Variants in DLG3 observed in about 807,000 individuals in gnomAD.
DLG3 encodes disks large homolog 3.
A neutral mutation model predicts 64.1 loss-of-function variants in DLG3; 1 was observed. That is an observed-to-expected ratio of 0.02 (90% CI 0.01 to 0.07). The LOEUF is 0.07. Among genes scored for constraint, DLG3 ranks in the 10% least tolerant of loss-of-function variants. The pLI is 1.00. For missense variants in DLG3, 429 were observed against 669.5 expected, an observed-to-expected ratio of 0.64 and a Z score of 3.96; for synonymous variants, 245 against 259.8, an observed-to-expected ratio of 0.94 and a Z score of 0.55.
intron 9 of DLG3, among the ~76,000 whole-genome samples, chrX:70,459,457 A>T (rs1286776269): frequency 8.9e-6 from 1 of 112,539 alleles, no homozygotes; most frequent in Non-Finnish European, 1.9e-5. Context: ...TGTAACTGCT[A>T]TCCTATCAGC....
chrX:70,450,442 G>A lies in DLG3; in HGVS notation c.840+137G>A, dbSNP rs2086606235. The A allele has an allele frequency of 3.5e-5, 34 of 968,317 alleles. 1 individual carries two copies. The South Asian group carries it at 7.9e-4, about 23-fold the overall frequency. 79.8% of individuals were successfully genotyped at this position (968,317 alleles called of 1,213,427 possible). ...AAGAGTTATCATCTGTGTTGTGTTT[G>A]CCCAGATACAAAGGCCCTAATTCTT... On this transcript the variant is annotated intron_variant, in intron 5 of 18. Transcript: ENST00000374360.
intron 12 of DLG3, chrX:70,493,274 C>T: frequency 1.5e-6 from 1 of 663,157 alleles, no homozygotes; most frequent in Non-Finnish European, 2.4e-6. Context: ...TTATTTAGCT[C>T]ACCGTTGTCT....
chrX:70,463,556 A>C (rs1384277686), intron 9 of DLG3, among the ~76,000 whole-genome samples: 2 of 111,789 alleles, frequency 1.8e-5, no homozygotes, highest in African/African-American at 6.5e-5. Flanking sequence ...CCTTTGTTTA[A>C]AGCTTTAGTC....
intron 1 of DLG3, among the ~76,000 whole-genome samples, chrX:70,448,344 A>T (rs2086586856): frequency 1.8e-5 from 2 of 112,315 alleles, no homozygotes; most frequent in Non-Finnish European, 3.8e-5. Context: ...GCCCTTAGGC[A>T]CATCCCATGT....
At chrX:70,459,360 A>G (rs1407025680) in intron 9 of DLG3, among the ~76,000 whole-genome samples, 1 of 112,622 alleles carries the variant, frequency 8.9e-6, no homozygotes. Context: ...AGTGGTGTTA[A>G]TAACTTGAAA....
chrX:70,472,448 C>T (rs890028569), intron 9 of DLG3, among the ~76,000 whole-genome samples: 3 of 111,096 alleles, frequency 2.7e-5, no homozygotes, highest in African/African-American at 6.5e-5. Flanking sequence ...CCAGCTACTC[C>T]GGATGCTGAG....
chrX:70,449,694 A>C lies in DLG3; in HGVS notation c.538A>C (p.Asn180His). 1 of 1,210,504 alleles carries C rather than the reference A, an allele frequency of 8.3e-7. No individual in the cohort carries two copies. The highest frequency in any genetic ancestry group is 1.1e-6 in the Non-Finnish European group (1 of 895,291). ...AAAMDGRLGV[N>H]DCVLRVNEVD... ...CCTCTCGGGCTTCCCCCACAGGGTGAATGACTGTGTGCTGCGGGTGAATGA... is the reference window on the plus strand; with the variant it reads ...CCTCTCGGGCTTCCCCCACAGGGTGCATGACTGTGTGCTGCGGGTGAATGA... Residue 180 changes from asparagine to histidine, a missense_variant, in exon 4 of 19, where the codon AAT becomes CAT. By Grantham distance (68) the Asn-to-His change is moderately conservative. This residue lies in a region of DLG3 where 73 missense variants were observed against 158.5 expected (regional missense o/e 0.46). Coordinates refer to ENST00000374360, the MANE Select transcript of DLG3 (RefSeq NM_021120.4).
intron 1 of DLG3, 116 bp downstream of exon 1, chrX:70,445,674 C>A: frequency 4.4e-6 from 3 of 688,613 alleles, no homozygotes; most frequent in African/African-American, 2.1e-5. Flanking sequence ...GGACCCCGAG[C>A]CCTAGCATTG....
chrX:70,494,114 C>G (rs1602978671), intron 12 of DLG3, among the ~76,000 whole-genome samples: 1 of 112,273 alleles, frequency 8.9e-6, no homozygotes, highest in African/African-American at 3.2e-5. Context: ...GAGTGTTGCT[C>G]CACATTGTTC....
rs1257371650 is a variant in DLG3 at position 70,502,851 on chromosome X, A to T, written c.*582A>T. On this transcript the variant is annotated 3_prime_UTR_variant, in exon 19 of 19. Transcript: ENST00000374360. ...TCTCATATAATATATATATATTCACACACATTTGGGTTAGAAAATCTATGG... is the reference window on the plus strand; with the variant it reads ...TCTCATATAATATATATATATTCACTCACATTTGGGTTAGAAAATCTATGG... 1 of 109,193 alleles carries T rather than the reference A, an allele frequency of 9.2e-6. No individual in the cohort carries two copies. Among genetic ancestry groups the T allele is most frequent in the East Asian group, 2.8e-4 (1 of 3,570 alleles). 9.0% of individuals were successfully genotyped at this position (109,193 alleles called of 1,213,427 possible). A position where few individuals can be genotyped will look rare whatever the true frequency, so the allele number is the denominator to read the frequency against.
chrX:70,485,216 C>T (rs905774690), intron 10 of DLG3, among the ~76,000 whole-genome samples: 1 of 111,487 alleles, frequency 9.0e-6, no homozygotes, highest in Non-Finnish European at 1.9e-5. Flanking sequence ...AGCTAGGTCT[C>T]ACCCACCATT....
Position 70,499,290 on chromosome X carries a change from G to A in DLG3, c.1972+13G>A, listed in dbSNP as rs1569296705. 2 of 1,144,212 alleles carry A rather than the reference G, an allele frequency of 1.7e-6. No individual in the cohort carries two copies. 94.3% of individuals were successfully genotyped at this position (1,144,212 alleles called of 1,213,427 possible). A position where few individuals can be genotyped will look rare whatever the true frequency, so the allele number is the denominator to read the frequency against. ...TCCTGTGTGCCACGTAAGAGTCCAGGAAGGCCCAGAGGAGTGAGGCTTGGT... is the reference window on the plus strand; with the variant it reads ...TCCTGTGTGCCACGTAAGAGTCCAGAAAGGCCCAGAGGAGTGAGGCTTGGT... On this transcript the variant is annotated intron_variant, in intron 15 of 18. Transcript: ENST00000374360.
At chrX:70,479,061 C>A in intron 9 of DLG3, 89 bp from the exon 10 acceptor site, 1 of 837,125 alleles carries the variant, frequency 1.2e-6, no homozygotes, top group Non-Finnish European at 1.8e-6. Flanking sequence ...AGCCAAGGGG[C>A]CTTCTGGCTT....
chrX:70,494,750 A>G (rs753475864), intron 12 of DLG3, among the ~76,000 whole-genome samples: 122 of 112,225 alleles, frequency 1.1e-3, no homozygotes, highest in Non-Finnish European at 1.9e-3. Context: ...CTACTGGATG[A>G]CAGAGTTGAA....
intron 12 of DLG3, 91 bp from the exon 13 acceptor site, chrX:70,495,315 ATC>A (rs1314016223): frequency 1.2e-6 from 1 of 861,361 alleles, no homozygotes; most frequent in Non-Finnish European, 1.7e-6. Context: ...TTCTCCCCAA[ATC>A]TCTCCCTCTC....
intron 18 of DLG3, 136 bp downstream of exon 18, chrX:70,501,125 A>G (rs905478902): frequency 2.0e-5 from 10 of 509,813 alleles, no homozygotes; most frequent in Non-Finnish European, 3.0e-5. Context: ...TTTTGAGCAC[A>G]AACCTTTCCA....
chrX:70,466,033 AG>A (rs1180375191), intron 9 of DLG3, among the ~76,000 whole-genome samples: 1 of 111,613 alleles, frequency 9.0e-6, no homozygotes, highest in Non-Finnish European at 1.9e-5. Flanking sequence ...AACATACTTA[AG>A]GTTTTTGATG....
intron 9 of DLG3, among the ~76,000 whole-genome samples, chrX:70,477,603 C>T (rs2087076883): frequency 1.8e-5 from 2 of 111,206 alleles, no homozygotes; most frequent in Admixed American, 9.6e-5. Context: ...CTCTACCCTC[C>T]GCCACCCCAC....
chrX:70,452,227 C>T, intron 7 of DLG3: 1 of 1,081,848 alleles, frequency 9.2e-7, no homozygotes, highest in African/African-American at 1.9e-5. Context: ...GGGACAAGCT[C>T]TACCATCAGG....
Sources: allele counts gnomAD v4.1 joint callset (sites outside exome capture counted in the v4.1 genomes callset), GRCh38; gene constraint gnomAD v4.1.1; regional missense constraint gnomAD v4.1.1; transcripts MANE v1.5; gene names NCBI Gene and HGNC (gene_info 2026-07-23, HGNC 2026-07-21).